KMT2D: variants seen among roughly 807,000 people sequenced by gnomAD.
The protein encoded by KMT2D is histone-lysine N-methyltransferase 2D.
In KMT2D, 55 loss-of-function variants were observed where a neutral mutation model predicts 512.7. The observed-to-expected ratio is 0.11, with a 90% confidence interval of 0.09 to 0.13. The LOEUF (loss-of-function observed/expected upper bound fraction) is 0.13, where lower values mean the gene tolerates loss of function less well. Among genes scored for constraint, KMT2D ranks in the 10% least tolerant of loss-of-function variants. The pLI, the probability that KMT2D is intolerant of heterozygous loss-of-function variation, is 1.00. For synonymous variants in KMT2D, 2,995 were observed against 2,904.0 expected, an observed-to-expected ratio of 1.03 and a Z score of -1.01; for missense variants, 6,061 against 7,127.9, an observed-to-expected ratio of 0.85 and a Z score of 5.39.
rs1454046726 is a variant in KMT2D, at chr12:49,033,470, C to T, written c.11235G>A (p.Gln3745=). 1.9e-6 allele frequency: 3 copies of T among 1,608,056 alleles called. No homozygotes were observed. The highest frequency in any genetic ancestry group is 2.5e-6 in the Non-Finnish European group (3 of 1,177,218). The change falls in exon 40 of 55, where the codon CAG becomes CAA. Residue 3745 remains glutamine (Q), a synonymous_variant. Coordinates refer to ENST00000301067, the MANE Select transcript of KMT2D (RefSeq NM_003482.4). ...QQQQQQQQQQ[Q]HLLGQVAIQQ... is the part of the protein sequence containing the mutation. ...GGATTGCCACCTGTCCTAGAAGGTG[C>T]TGCTGCTGCTGTTGCTGCTGCTGCT...
Position 49,024,569 on chromosome 12 carries a change from C to T in KMT2D, c.16052+9G>A. On this transcript the variant is annotated intron_variant, in intron 51 of 54. Transcript: ENST00000301067. This position sits in a 1 kb window ranked among gnomAD's most constrained non-coding sequence, Gnocchi z 4.5. Reference sequence around the variant, plus strand: ...CCCACATCCCTTGGCTCCAGCATCACAAGCTCACCGTTTGTAGTGTGTGAG... The same window carrying T: ...CCCACATCCCTTGGCTCCAGCATCATAAGCTCACCGTTTGTAGTGTGTGAG... 2 of 1,600,530 alleles carry T rather than the reference C, an allele frequency of 1.2e-6. No homozygotes were observed. Among genetic ancestry groups the T allele is most frequent in the South Asian group, 2.2e-5 (2 of 89,600 alleles).
At position 49,027,243 on chromosome 12, in the gene KMT2D, G is replaced by A. The variant is rs753795039; in HGVS notation, c.14723C>T (p.Ala4908Val). 2.6e-6 allele frequency: 4 copies of A among 1,552,340 alleles called. No homozygotes were observed. Among genetic ancestry groups the A allele is most frequent in the East Asian group, 2.2e-5 (1 of 44,560 alleles). ...VSNLDVRQLS[A>V]PPPEEPSPPP... ...CGGGGAGGGTTCTTCAGGAGGTGGG[G>A]CCGAGAGCTGTCGCACATCCAGATT... The change falls in exon 49 of 55, where the codon GCC (alanine) becomes GTC (valine). Residue 4908 changes from alanine to valine, a missense_variant. Physicochemically the swap from Ala to Val is moderately conservative, Grantham distance 64 (BLOSUM62 0). Transcript: ENST00000301067.
intron 46 of KMT2D, 23 bp downstream of exon 46, chr12:49,028,805 C>T: frequency 6.2e-7 from 1 of 1,611,870 alleles, no homozygotes; most frequent in South Asian, 1.1e-5. Flanking sequence ...TCCCCTCAGC[C>T]TCGAGGTACC....
intron 12 of KMT2D, 23 bp downstream of exon 12, chr12:49,049,658 TC>T (rs1222199131): frequency 6.5e-7 from 1 of 1,546,814 alleles, no homozygotes; most frequent in Admixed American, 1.9e-5. Flanking sequence ...TCTAATCACA[TC>T]CCGCAGCTAG....
chr12:49,037,230 C>A lies in KMT2D; in HGVS notation c.10126G>T (p.Val3376Leu). The A allele has an allele frequency of 6.2e-7, 1 of 1,613,556 alleles. No individual in the cohort carries two copies. Among genetic ancestry groups the A allele is most frequent in the Non-Finnish European group, 8.5e-7 (1 of 1,179,700 alleles). ...GLVPQQSSQP[V>L]LSQKPMGTMP... ...GTGCCCATGGGCTTCTGTGATAGCACTGGCTGTGAGCTCTGCTGGGGTACC... is the reference window on the plus strand; with the variant it reads ...GTGCCCATGGGCTTCTGTGATAGCAATGGCTGTGAGCTCTGCTGGGGTACC... Residue 3376 changes from valine to leucine, a missense_variant, in exon 35 of 55, where the codon GTG becomes TTG. By Grantham distance (32) the Val-to-Leu change is conservative. Around this residue, in one of 16 missense-constraint regions of KMT2D, gnomAD observed 533 missense variants for 539.6 expected, o/e 0.99. Transcript: ENST00000301067.
rs372510920 is a variant in KMT2D, at chr12:49,034,763, T to C, written c.10355+49A>G. The C allele has an allele frequency of 8.7e-6, 14 of 1,607,152 alleles. No individual in the cohort carries two copies. In the African/African-American group the frequency reaches 1.7e-4, roughly 20 times the overall value. On this transcript the variant is annotated intron_variant, in intron 36 of 54. Coordinates refer to ENST00000301067, the MANE Select transcript of KMT2D (RefSeq NM_003482.4). ...AGTAGGGAGGGGAGCCAAGAAGGGG[T>C]GTGACTGGGAAAGAAAAGGGCCAAC... is the stretch of plus-strand genomic sequence containing the variant.
At position 49,051,730 on chromosome 12, in the gene KMT2D, C is replaced by G. The variant is rs369789129; in HGVS notation, c.1953G>C (p.Ser651=). The change falls in exon 11 of 55, where the codon TCG becomes TCC. Residue 651 remains serine, a synonymous_variant. Transcript: ENST00000301067. ...ESPMSPPPEV[S]RLSPLPVVSR... ...ACACCACAGGCAGGGGGGATAGGCG[C>G]GATACCTCAGGTGGGGGGGACATAG... 6.4e-7 allele frequency: 1 copy of G among 1,565,860 alleles called. No homozygotes were observed. Among genetic ancestry groups the G allele is most frequent in the Non-Finnish European group, 8.7e-7 (1 of 1,155,418 alleles).
rs1943032578 is a variant in KMT2D, at chr12:49,033,104, T to C, written c.11601A>G (p.Gln3867=). Residue 3867 remains glutamine, a synonymous_variant, in exon 40 of 55, where the codon CAA becomes CAG. Transcript: ENST00000301067. ...QQQQQQQHQQ[Q]GSMAGLSHLQ... ...GATGGGACAGCCCTGCCATGGACCCTTGCTGTTGGTGCTGTTGTTGCTGCT... is the reference window on the plus strand; with the variant it reads ...GATGGGACAGCCCTGCCATGGACCCCTGCTGTTGGTGCTGTTGTTGCTGCT... The C allele has an allele frequency of 1.3e-6, 2 of 1,551,404 alleles. No homozygotes were observed. The highest frequency in any genetic ancestry group is 2.4e-5 in the East Asian group (1 of 40,924).
At chr12:49,034,729 C>T (rs923994587) in intron 36 of KMT2D, 63 bp from the exon 37 acceptor site, 9 of 1,606,394 alleles carry the variant, frequency 5.6e-6, no homozygotes, top group African/African-American at 2.7e-5. Flanking sequence ...AGCAAAGAGA[C>T]GTGGGACAAG....
At position 49,044,538 on chromosome 12, in the gene KMT2D, G is replaced by C. The variant is rs747559672; in HGVS notation, c.4964-16C>G. 6.2e-7 allele frequency: 1 copy of C among 1,612,892 alleles called. No homozygotes were observed. Among genetic ancestry groups the C allele is most frequent in the Non-Finnish European group, 8.5e-7 (1 of 1,179,364 alleles). ...TCCACACCACCTGCGTATGGTGACA[G>C]AAGAGATGGAGGCAAATCAGAACTA... is the stretch of plus-strand genomic sequence containing the variant. On this transcript the variant is annotated splice_polypyrimidine_tract_variant and intron_variant, in intron 20 of 54. Transcript: ENST00000301067. This position sits in a 1 kb window ranked among gnomAD's most constrained non-coding sequence, Gnocchi z 6.4.
chr12:49,052,991 A>G lies in KMT2D; in HGVS notation c.1036T>C (p.Cys346Arg). The G allele has an allele frequency of 6.2e-7, 1 of 1,614,054 alleles. No individual in the cohort carries two copies. The highest frequency in any genetic ancestry group is 8.5e-7 in the Non-Finnish European group (1 of 1,179,876). ...CCCTGGGCTTTGTGACAGCGGTGAC[A>G]GAGAGAGTAGTTCTCAAACCACTCC... The part of the protein sequence containing the change: ...NSEWFENYSL[C>R]HRCHKAQGGQ... Residue 346 changes from cysteine (C) to arginine (R), a missense_variant, in exon 9 of 55, where the codon TGT becomes CGT. Around this residue, in one of 16 missense-constraint regions of KMT2D, gnomAD observed 848 missense variants for 838.5 expected, o/e 1.01. Coordinates refer to ENST00000301067, the MANE Select transcript of KMT2D (RefSeq NM_003482.4).
rs2120449629 is a variant in KMT2D at position 49,033,976 on chromosome 12, G to A, written c.10741-12C>T. ...TGCTGTTTCCGGACCTAACATGGGAGGGTCGGAGAGGTCAGGCTGGGGCAT... is the reference window on the plus strand; with the variant it reads ...TGCTGTTTCCGGACCTAACATGGGAAGGTCGGAGAGGTCAGGCTGGGGCAT... On this transcript the variant is annotated splice_polypyrimidine_tract_variant and intron_variant, in intron 39 of 54. Coordinates refer to ENST00000301067, the MANE Select transcript of KMT2D (RefSeq NM_003482.4). 1 of 1,537,320 alleles carries A rather than the reference G, an allele frequency of 6.5e-7. No homozygotes were observed. Among genetic ancestry groups the A allele is most frequent in the Non-Finnish European group, 8.8e-7 (1 of 1,140,660 alleles).
In KMT2D at chr12:49,053,288, A is replaced by G; in HGVS notation, c.873T>C (p.Cys291=). ...KPGNDSKMLV[C]ETCDKGYHTF... ...TATGGTATCCTTTGTCACACGTCTC[A>G]CAAACCAACATCTTAGAGTCATTCC... Residue 291 remains cysteine (C), a synonymous_variant, in exon 8 of 55, where the codon TGT becomes TGC. Coordinates refer to ENST00000301067, the MANE Select transcript of KMT2D (RefSeq NM_003482.4). The G allele has an allele frequency of 6.2e-7, 1 of 1,614,012 alleles. No individual in the cohort carries two copies. Among genetic ancestry groups the G allele is most frequent in the Non-Finnish European group, 8.5e-7 (1 of 1,179,890 alleles).
At chr12:49,052,853 C>T in intron 9 of KMT2D, 62 bp downstream of exon 9, 1 of 1,603,786 alleles carries the variant, frequency 6.2e-7, no homozygotes, top group Non-Finnish European at 8.5e-7. Flanking sequence ...TTTAACAAGG[C>T]CCCTGCCAAT....
In KMT2D at chr12:49,027,860, T is replaced by G; in HGVS notation, c.14586A>C (p.Ala4862=). 6.2e-7 allele frequency: 1 copy of G among 1,609,508 alleles called. No individual in the cohort carries two copies. Residue 4862 remains alanine, a synonymous_variant, in exon 48 of 55, where the codon GCA becomes GCC. Coordinates refer to ENST00000301067, the MANE Select transcript of KMT2D (RefSeq NM_003482.4). ...TGPDWLKQFD[A]VLPGYTLKSQ... ...TCTTCAGGGTATAGCCAGGCAACAC[T>G]GCATCAAACTGCTTCAGCCAATCAG... is the stretch of plus-strand genomic sequence containing the variant.
rs2120419093 is a variant in KMT2D, at chr12:49,031,357, G to A, written c.13348C>T (p.Leu4450=). 6.2e-7 allele frequency: 1 copy of A among 1,613,648 alleles called. No homozygotes were observed. Among genetic ancestry groups the A allele is most frequent in the Non-Finnish European group, 8.5e-7 (1 of 1,179,894 alleles). Residue 4450 remains leucine, a synonymous_variant, in exon 40 of 55, where the codon CTG becomes TTG. Transcript: ENST00000301067. The stretch of plus-strand genomic sequence containing the variant: ...GCTTCTGAGCGAGGGCCTGCCAGCA[G>A]GAGGTGGTTGCTGGTTCCTGGTGCC... ...IGAPGTSNHL[L]LAGPRSEAGH...
In KMT2D at chr12:49,054,982, C is replaced by G. The variant is rs2120716122; in HGVS notation, c.94G>C (p.Asp32His). 1.2e-6 allele frequency: 2 copies of G among 1,614,048 alleles called. No homozygotes were observed. The highest frequency in any genetic ancestry group is 2.2e-5 in the South Asian group (2 of 91,084). The change falls in exon 3 of 55, where the codon GAC becomes CAC. Residue 32 changes from aspartate (D) to histidine (H), a missense_variant. This residue lies in a region of KMT2D where 144 missense variants were observed against 165.7 expected (regional missense o/e 0.87). Coordinates refer to ENST00000301067, the MANE Select transcript of KMT2D (RefSeq NM_003482.4). The surrounding 1 kb of genome is among the most constrained non-coding windows in gnomAD (Gnocchi z 6.4). ...TCTCCCACATGTGGGTTGGGCAGGT[C>G]TGACTCAGTGGCACTTGGGTCCTCA... ...ASEDPSATES[D>H]LPNPHVGEVS... is the part of the protein sequence containing the mutation.
chr12:49,057,326 A>G (rs1248752518), intron 1 of KMT2D, among the ~76,000 whole-genome samples: 1 of 152,238 alleles, frequency 6.6e-6, no homozygotes, highest in Non-Finnish European at 1.5e-5. Flanking sequence ...CAAAAGAGTC[A>G]CAAACATCAA....
Position 49,038,960 on chromosome 12 carries a change from T to C in KMT2D, c.8396A>G (p.Tyr2799Cys), listed in dbSNP as rs1356426477. ...RQLVGGSQAF[Y>C]QRAPYPGSLP... ...GGACCCAGGATAGGGTGCTCGCTGA[T>C]AGAAAGCTTGGGAGCCTCCTACCAG... The change falls in exon 35 of 55, where the codon TAT becomes TGT. Residue 2799 changes from tyrosine to cysteine, a missense_variant. By Grantham distance (194) the Tyr-to-Cys change is radical. Coordinates refer to ENST00000301067, the MANE Select transcript of KMT2D (RefSeq NM_003482.4). This position sits in a 1 kb window ranked among gnomAD's most constrained non-coding sequence, Gnocchi z 5.7. 6.4e-6 allele frequency: 10 copies of C among 1,551,786 alleles called. No individual in the cohort carries two copies. The highest frequency in any genetic ancestry group is 1.7e-4 in the Middle Eastern group (1 of 5,996).
Sources: gnomAD v4.1 joint callset for allele counts (sites outside exome capture counted in the v4.1 genomes callset) on GRCh38, gnomAD v4.1.1 for gene constraint, gnomAD v4.1.1 regional missense constraint, Gnocchi (gnomAD v3.1) non-coding constraint, MANE v1.5 for transcripts, NCBI Gene and HGNC (gene_info 2026-07-23, HGNC 2026-07-21) for gene names.